FOCAD: variants seen among roughly 807,000 people sequenced by gnomAD.
FOCAD encodes focadhesin.
In FOCAD, 198 loss-of-function variants were observed where a neutral mutation model predicts 225.6. That is an observed-to-expected ratio of 0.88 (90% CI 0.78 to 0.99). The LOEUF (loss-of-function observed/expected upper bound fraction) is 0.99. Among genes scored for constraint, FOCAD ranks in the 50% least tolerant of loss-of-function variants. The pLI, the probability that FOCAD is intolerant of heterozygous loss-of-function variation, is 0.00. For missense variants in FOCAD, 2,713 were observed against 2,123.6 expected (o/e 1.28, Z -5.46); for synonymous variants, 897 against 755.0 (o/e 1.19, Z -3.08).
chr9:20,905,436 C>G (rs1243651738), intron 21 of FOCAD, among the ~76,000 whole-genome samples: 1 of 151,860 alleles, frequency 6.6e-6, no homozygotes, highest in African/African-American at 2.4e-5. Flanking sequence ...GCAAATTGCT[C>G]TTTTTGCCAA....
At chr9:20,831,838 C>T (rs1386349174) in intron 15 of FOCAD, among the ~76,000 whole-genome samples, 1 of 152,024 alleles carries the variant, frequency 6.6e-6, no homozygotes, top group African/African-American at 2.4e-5. Flanking sequence ...ACCCACATCC[C>T]TTAAGCATTG....
chr9:20,774,077 T>C (rs1818510502), intron 8 of FOCAD, among the ~76,000 whole-genome samples: 1 of 152,180 alleles, frequency 6.6e-6, no homozygotes, highest in East Asian at 1.9e-4. Flanking sequence ...GGTTGTGTGC[T>C]CCTTATAAGA....
upstream of FOCAD, among the ~76,000 whole-genome samples, chr9:20,679,774 T>C (rs1189905504): frequency 6.6e-6 from 1 of 152,234 alleles, no homozygotes; most frequent in Admixed American, 6.5e-5. Context: ...AGGCAGAGTT[T>C]TGCATGTACA....
intron 1 of FOCAD, among the ~76,000 whole-genome samples, chr9:20,701,900 G>T (rs917014598): frequency 5.9e-5 from 9 of 152,130 alleles, no homozygotes; most frequent in Non-Finnish European, 1.5e-5. Flanking sequence ...TAACACGTAT[G>T]TGCAAACCCA....
At chr9:20,833,169 T>C (rs1825679618) in intron 15 of FOCAD, among the ~76,000 whole-genome samples, 2 of 152,060 alleles carry the variant, frequency 1.3e-5, no homozygotes, top group Admixed American at 1.3e-4. Flanking sequence ...CTATATCTCT[T>C]ATGTTTCTGA....
At chr9:20,945,642 C>T (rs553995462) in intron 29 of FOCAD, among the ~76,000 whole-genome samples, 1 of 152,094 alleles carries the variant, frequency 6.6e-6, no homozygotes, top group East Asian at 1.9e-4. Flanking sequence ...TTTTAAAGTA[C>T]GTATTTTTTT....
chr9:20,961,433 C>T (rs1838719469), intron 35 of FOCAD, among the ~76,000 whole-genome samples: 1 of 152,074 alleles, frequency 6.6e-6, no homozygotes, highest in Admixed American at 6.5e-5. Flanking sequence ...TTATTTTGTA[C>T]TATCCCCAGC....
At chr9:20,854,349 A>C (rs1212487997) in intron 15 of FOCAD, among the ~76,000 whole-genome samples, 6 of 151,750 alleles carry the variant, frequency 4.0e-5, no homozygotes, top group Non-Finnish European at 8.9e-5. Flanking sequence ...TTCAGTGTAT[A>C]AAGTAGGTGT....
chr9:20,953,499 A>G (rs931276336), intron 35 of FOCAD, among the ~76,000 whole-genome samples: 3 of 152,088 alleles, frequency 2.0e-5, no homozygotes, highest in African/African-American at 7.2e-5. Context: ...CACTGGCTCT[A>G]GTTCCTATTT....
chr9:20,783,221 C>G (rs1258515942), intron 10 of FOCAD, among the ~76,000 whole-genome samples: 2 of 152,138 alleles, frequency 1.3e-5, no homozygotes, highest in Non-Finnish European at 2.9e-5. Flanking sequence ...ATTATTAACA[C>G]TAATATCTGG....
At chr9:20,988,192 C>A in intron 40 of FOCAD, 140 bp from the exon 41 acceptor site, 1 of 487,052 alleles carries the variant, frequency 2.1e-6, no homozygotes, top group Non-Finnish European at 3.7e-6. Context: ...TCACAAGTCT[C>A]GGGTATTGCA....
rs530966729 is a variant in FOCAD at position 20,915,409 on chromosome 9, C to A, written c.2808-1484C>A. ...AAAGAGAACCAAAAGAGAGTAAAATCTTAAAAGCCAAGGAAAGAAGGCATT... is the reference window on the plus strand; with the variant it reads ...AAAGAGAACCAAAAGAGAGTAAAATATTAAAAGCCAAGGAAAGAAGGCATT... On this transcript the variant is annotated intron_variant, in intron 23 of 43. Transcript: ENST00000338382. Among the ~76,000 whole-genome samples, 16 of 152,226 alleles carry A rather than the reference C, an allele frequency of 1.1e-4. No individual in the cohort carries two copies. The South Asian group carries it at 3.1e-3, about 30-fold the overall frequency.
intron 1 of FOCAD, among the ~76,000 whole-genome samples, chr9:20,702,090 A>G (rs996312537): frequency 4.0e-5 from 6 of 151,070 alleles, no homozygotes; most frequent in African/African-American, 1.2e-4. Context: ...TAACTTTATT[A>G]TTGTTATTGT....
In FOCAD at chr9:20,819,813, A is replaced by G. The variant is rs1824123342; in HGVS notation, c.1473A>G (p.Pro491=). 4.6e-6 allele frequency: 7 copies of G among 1,533,042 alleles called. No homozygotes were observed. In the South Asian group the frequency reaches 5.4e-5, roughly 12 times the overall value. The allele number at this position is 1,533,042 out of a possible 1,614,324, so 95.0% of individuals were successfully genotyped here. Reference sequence around the variant, plus strand: ...CATTTTAGGTGCCAAATCTGATTCCAGTTTTGATGTTCAAATTGGGAAGAC... The same window carrying G: ...CATTTTAGGTGCCAAATCTGATTCCGGTTTTGATGTTCAAATTGGGAAGAC... ...ADSSQVPNLI[P]VLMFKLGRPL... is the part of the protein sequence containing the mutation. Residue 491 remains proline, a synonymous_variant, in exon 12 of 44, where the codon CCA becomes CCG. Coordinates refer to ENST00000338382, the MANE Select transcript of FOCAD (RefSeq NM_001375567.1).
chr9:20,855,713 C>T lies in FOCAD; in HGVS notation c.1921-6865C>T, dbSNP rs1828107598. On this transcript the variant is annotated intron_variant, in intron 15 of 43. Coordinates refer to ENST00000338382, the MANE Select transcript of FOCAD (RefSeq NM_001375567.1). ...CCCTTATTCTCACTGTATTTTTGTA[C>T]CCATTAATCATTTCTGCTGTATTCC... Among the ~76,000 whole-genome samples the T allele has an allele frequency of 4.6e-5, 7 of 151,412 alleles. No homozygotes were observed. In the South Asian group the frequency reaches 1.5e-3, roughly 32 times the overall value.
intron 23 of FOCAD, among the ~76,000 whole-genome samples, chr9:20,915,484 A>C (rs1833794911): frequency 6.6e-6 from 1 of 152,206 alleles, no homozygotes; most frequent in Non-Finnish European, 1.5e-5. Flanking sequence ...TGCAGAAGAT[A>C]GGGACTGAGA....
intron 11 of FOCAD, 92 bp from the exon 12 acceptor site, chr9:20,819,704 T>G (rs1292341868): frequency 1.7e-6 from 1 of 579,298 alleles, no homozygotes; most frequent in Non-Finnish European, 2.8e-6. Flanking sequence ...CATATTCATA[T>G]TATTCCTCTG....
At position 20,923,780 on chromosome 9, in the gene FOCAD, T is replaced by G. The variant is rs1587624550; in HGVS notation, c.2961+12T>G. 1 of 1,596,898 alleles carries G rather than the reference T, an allele frequency of 6.3e-7. No individual in the cohort carries two copies. The highest frequency in any genetic ancestry group is 1.7e-5 in the Admixed American group (1 of 59,650). Reference sequence around the variant, plus strand: ...ACGGGCTCCTGGAGGTTAGTTGGGGTGATTTAAACAATTGGCTTTGATTAT... The same window carrying G: ...ACGGGCTCCTGGAGGTTAGTTGGGGGGATTTAAACAATTGGCTTTGATTAT... On this transcript the variant is annotated intron_variant, in intron 25 of 43. Coordinates refer to ENST00000338382, the MANE Select transcript of FOCAD (RefSeq NM_001375567.1).
rs369266840 is a variant in FOCAD at position 20,862,580 on chromosome 9, T to G, written c.1923T>G (p.Val641=). 41 of 1,613,098 alleles carry G rather than the reference T, an allele frequency of 2.5e-5. No individual in the cohort carries two copies. The highest frequency in any genetic ancestry group is 3.3e-5 in the Non-Finnish European group (39 of 1,179,476). ...QGLHALCQAE[V]VCIRSTWNAL... is the part of the protein sequence containing the mutation. The stretch of plus-strand genomic sequence containing the variant: ...GACCTTTTCTATTTGCTTCACAGGT[T>G]GTTTGCATTCGCTCCACTTGGAATG... Residue 641 remains valine (V), a splice_region_variant and synonymous_variant, in exon 16 of 44, where the codon GTT becomes GTG. Transcript: ENST00000338382.
Sources: gnomAD v4.1 joint callset for allele counts (sites outside exome capture counted in the v4.1 genomes callset) on GRCh38, gnomAD v4.1.1 for gene constraint, MANE v1.5 for transcripts, NCBI Gene and HGNC (gene_info 2026-07-23, HGNC 2026-07-21) for gene names.